The following KDM4C variants were observed in gnomAD, a reference collection of about 807,000 sequenced individuals.
KDM4C encodes lysine-specific demethylase 4C.
A neutral mutation model predicts 129.3 loss-of-function variants in KDM4C; 81 were observed. That is an observed-to-expected ratio of 0.63 (90% CI 0.52 to 0.75). The LOEUF is 0.75. Among genes scored for constraint, KDM4C ranks in the 30% least tolerant of loss-of-function variants. The pLI is 0.00. For missense variants in KDM4C, 1,457 were observed against 1,304.0 expected, an observed-to-expected ratio of 1.12 and a Z score of -1.81; for synonymous variants, 573 against 456.1, an observed-to-expected ratio of 1.26 and a Z score of -3.26.
chr9:6,944,657 T>TG (rs1826577606), intron 8 of KDM4C, among the ~76,000 whole-genome samples: 1 of 140,496 alleles, frequency 7.1e-6, no homozygotes, highest in African/African-American at 2.6e-5. Context: ...TAGAGGTTTT[T>TG]TTTTTTTTTT....
At chr9:6,785,628 C>T (rs1020068708) in intron 1 of KDM4C, among the ~76,000 whole-genome samples, 5 of 152,228 alleles carry the variant, frequency 3.3e-5, no homozygotes, top group Non-Finnish European at 5.9e-5. Context: ...TGAGCCACTG[C>T]GCCTGGCTTC....
chr9:6,740,285 G>C (rs961064167), intron 1 of KDM4C, among the ~76,000 whole-genome samples: 1 of 149,422 alleles, frequency 6.7e-6, no homozygotes, highest in Non-Finnish European at 1.5e-5. Context: ...CTCACTGCAA[G>C]CTCCGCCTCC....
chr9:6,815,778 A>T (rs1355869226), intron 4 of KDM4C, among the ~76,000 whole-genome samples: 1 of 152,174 alleles, frequency 6.6e-6, no homozygotes, highest in Non-Finnish European at 1.5e-5. Context: ...ATGGGGAAAA[A>T]TCTGACATCT....
chr9:6,842,312 C>CTTTTTTTTT (rs759138371), intron 4 of KDM4C, among the ~76,000 whole-genome samples: 2 of 97,874 alleles, frequency 2.0e-5, no homozygotes, highest in Non-Finnish European at 4.0e-5. Context: ...ATCCACATTT[C>CTTTTTTTTT]TTTTTTTTTT....
chr9:6,940,138 C>G (rs1825687624), intron 8 of KDM4C, among the ~76,000 whole-genome samples: 2 of 151,884 alleles, frequency 1.3e-5, no homozygotes, highest in Non-Finnish European at 2.9e-5. Context: ...GTCACCCAGG[C>G]TGGAGTGCAG....
Position 6,986,283 on chromosome 9 carries a change from C to T in KDM4C, c.1355-61C>T, listed in dbSNP as rs1817682883. The stretch of plus-strand genomic sequence containing the variant: ...ACAGAATCATTTGGGAATAGTTTAC[C>T]AATTCTACTTAGTAGTAATACAGTG... On this transcript the variant is annotated intron_variant, in intron 10 of 21. Coordinates refer to ENST00000381309, the MANE Select transcript of KDM4C (RefSeq NM_015061.6). 4 of 1,159,236 alleles carry T rather than the reference C, an allele frequency of 3.5e-6. No individual in the cohort carries two copies. In the South Asian group the frequency reaches 6.0e-5, roughly 17 times the overall value. The allele number at this position is 1,159,236 out of a possible 1,614,324, so 71.8% of individuals were successfully genotyped here.
chr9:7,060,686 T>A (rs906471983), intron 17 of KDM4C, among the ~76,000 whole-genome samples: 4 of 152,064 alleles, frequency 2.6e-5, no homozygotes, highest in Non-Finnish European at 5.9e-5. Flanking sequence ...TTCACCATGT[T>A]GGCCAGGATG....
chr9:6,791,495 A>G (rs1041086915), intron 1 of KDM4C, among the ~76,000 whole-genome samples: 4 of 152,198 alleles, frequency 2.6e-5, no homozygotes, highest in African/African-American at 9.7e-5. Context: ...CTCCATCGTC[A>G]TTCTTTTCCG....
intron 19 of KDM4C, among the ~76,000 whole-genome samples, chr9:7,158,475 G>A (rs1021009102): frequency 6.6e-5 from 10 of 151,870 alleles, no homozygotes; most frequent in African/African-American, 2.2e-4. Flanking sequence ...TCTCTTGTGG[G>A]CATTTAGTGC....
intron 8 of KDM4C, among the ~76,000 whole-genome samples, chr9:6,975,895 G>T (rs1310479290): frequency 6.6e-6 from 1 of 152,122 alleles, no homozygotes; most frequent in Non-Finnish European, 1.5e-5. Flanking sequence ...AAAATTAGCC[G>T]AGCGTGGTGG....
chr9:7,103,121 A>G (rs910020887), intron 17 of KDM4C, among the ~76,000 whole-genome samples: 1 of 152,158 alleles, frequency 6.6e-6, no homozygotes, highest in Admixed American at 6.5e-5. Flanking sequence ...TTTGTCAGTC[A>G]TGAAGGGTTC....
chr9:7,019,698 A>ATATTTTTATATATAAAAATATT (rs1824324061), intron 15 of KDM4C, among the ~76,000 whole-genome samples: 2 of 97,466 alleles, frequency 2.1e-5, no homozygotes, highest in African/African-American at 5.1e-5. Flanking sequence ...ATAAAAATAT[A>ATATTTTTATATATAAAAATATT]ATATTTTTAT....
chr9:6,940,705 G>A (rs903146101), intron 8 of KDM4C, among the ~76,000 whole-genome samples: 5 of 152,048 alleles, frequency 3.3e-5, no homozygotes, highest in Admixed American at 1.3e-4. Context: ...TATTTGAACC[G>A]AATATTCATT....
chr9:7,003,072 G>A (rs1399746124), intron 12 of KDM4C, among the ~76,000 whole-genome samples: 1 of 152,126 alleles, frequency 6.6e-6, no homozygotes, highest in East Asian at 1.9e-4. Flanking sequence ...CACCATGTTT[G>A]TCAGGCTGGT....
At chr9:6,994,503 G>A (rs900769715) in intron 12 of KDM4C, among the ~76,000 whole-genome samples, 5 of 152,034 alleles carry the variant, frequency 3.3e-5, no homozygotes, top group African/African-American at 7.2e-5. Context: ...TTTGTTATTT[G>A]TCTGTCCGTG....
intron 5 of KDM4C, among the ~76,000 whole-genome samples, chr9:6,853,200 T>C (rs1355361335): frequency 1.3e-5 from 2 of 152,144 alleles, no homozygotes; most frequent in Admixed American, 6.6e-5. Context: ...AAAAGATTCT[T>C]TTCTAGCCCA....
At chr9:7,040,972 C>T (rs1828497602) in intron 15 of KDM4C, among the ~76,000 whole-genome samples, 2 of 151,278 alleles carry the variant, frequency 1.3e-5, no homozygotes, top group African/African-American at 4.8e-5. Context: ...AATATTATCA[C>T]CCCTTTTCTC....
intron 12 of KDM4C, among the ~76,000 whole-genome samples, chr9:6,991,624 T>C (rs898886505): frequency 6.6e-6 from 1 of 152,218 alleles, no homozygotes; most frequent in Non-Finnish European, 1.5e-5. Context: ...TACTGTTAAG[T>C]GAGTAACAAG....
intron 17 of KDM4C, among the ~76,000 whole-genome samples, chr9:7,093,483 G>C (rs1233731248): frequency 6.6e-6 from 1 of 152,004 alleles, no homozygotes; most frequent in Non-Finnish European, 1.5e-5. Context: ...CTGTTCACAT[G>C]TGTGCGTGGT....
Sources: gnomAD v4.1 joint callset for allele counts (sites outside exome capture counted in the v4.1 genomes callset) on GRCh38, gnomAD v4.1.1 for gene constraint, MANE v1.5 for transcripts, NCBI Gene and HGNC (gene_info 2026-07-23, HGNC 2026-07-21) for gene names.